The following CNIH3 variants were observed in gnomAD, a reference collection of about 807,000 sequenced individuals.
CNIH3 encodes the protein cornichon family AMPA receptor auxiliary protein 3, also known as protein cornichon homolog 3.
CNIH3 carries 14 observed loss-of-function variants against 24.1 expected under a neutral mutation model. The observed-to-expected ratio is 0.58, with a 90% CI of 0.38 to 0.91. CNIH3 has a LOEUF of 0.91. Among genes scored for constraint, CNIH3 ranks in the 40% least tolerant of loss-of-function variants. The probability of loss-of-function intolerance (pLI) is 0.00; values close to 1 mark genes in which losing one functional copy is unlikely to be tolerated. For synonymous variants in CNIH3, 68 were observed against 73.8 expected, an observed-to-expected ratio of 0.92 and a Z score of 0.40; for missense variants, 178 against 196.8, an observed-to-expected ratio of 0.90 and a Z score of 0.57.
chr1:224,459,082 T>C, intron 1 of CNIH3: 1 of 405,366 alleles, frequency 2.5e-6, no homozygotes, highest in Non-Finnish European at 3.3e-6. Context: ...CTATTATCTG[T>C]TTGACTCCAA....
chr1:224,518,596 CT>C (rs1678493498), intron 1 of CNIH3, among the ~76,000 whole-genome samples: 1 of 152,080 alleles, frequency 6.6e-6, no homozygotes, highest in South Asian at 2.1e-4. Flanking sequence ...TCCCAAAGCA[CT>C]GGGATTACTG....
At chr1:224,730,739 A>T in intron 4 of CNIH3, 165 bp downstream of exon 4, 1 of 555,184 alleles carries the variant, frequency 1.8e-6, no homozygotes. Flanking sequence ...TTAGGCAACA[A>T]GTCCAATAAG....
chr1:224,547,020 T>C, intron 3 of CNIH3: 2 of 444,340 alleles, frequency 4.5e-6, no homozygotes, highest in Non-Finnish European at 5.9e-6. Context: ...GGTGAGTGAG[T>C]ACCTAATGGG....
chr1:224,685,117 C>T, intron 3 of CNIH3, among the ~76,000 whole-genome samples: 1 of 152,206 alleles, frequency 6.6e-6, no homozygotes, highest in East Asian at 1.9e-4. Flanking sequence ...AGCTCTTTAT[C>T]TTTGCATGAT....
chr1:224,487,985 G>A lies in CNIH3; in HGVS notation n.204-27756G>A, dbSNP rs117017128. Reference sequence around the variant, plus strand: ...ACCCTATTCTTTCATTAAGCACAGGGCATGTTTGTGTCTCTACACCATTCC... The same window carrying A: ...ACCCTATTCTTTCATTAAGCACAGGACATGTTTGTGTCTCTACACCATTCC... On this transcript the variant is annotated intron_variant and non_coding_transcript_variant, in intron 1 of 5. Transcript: ENST00000471578. 1.5e-4 allele frequency among the ~76,000 whole-genome samples: 23 copies of A among 151,958 alleles called. No homozygotes were observed. The East Asian group carries it at 4.4e-3, about 29-fold the overall frequency.
intron 2 of CNIH3, among the ~76,000 whole-genome samples, chr1:224,545,150 G>T (rs768062852): frequency 6.6e-6 from 1 of 152,190 alleles, no homozygotes; most frequent in Non-Finnish European, 1.5e-5. Context: ...ATGTACAAAC[G>T]TATGTGTGTA....
At chr1:224,666,974 G>T (rs992900336) in intron 1 of CNIH3, among the ~76,000 whole-genome samples, 1 of 152,138 alleles carries the variant, frequency 6.6e-6, no homozygotes, top group African/African-American at 2.4e-5. Flanking sequence ...TCTACTTGAG[G>T]TTGCCCTTTC....
At chr1:224,450,826 G>A (rs926737894) in intron 1 of CNIH3, among the ~76,000 whole-genome samples, 1 of 152,230 alleles carries the variant, frequency 6.6e-6, no homozygotes, top group African/African-American at 2.4e-5. Flanking sequence ...AAGATGGCCT[G>A]TGTGAAGAGC....
chr1:224,631,797 G>A (rs1393566467), intron 1 of CNIH3, among the ~76,000 whole-genome samples: 1 of 152,164 alleles, frequency 6.6e-6, no homozygotes, highest in East Asian at 1.9e-4. Context: ...ATGCAGGGGA[G>A]GAAAGCAGAG....
chr1:224,448,191 C>T (rs1675242821), intron 1 of CNIH3, among the ~76,000 whole-genome samples: 5 of 152,044 alleles, frequency 3.3e-5, no homozygotes, highest in South Asian at 2.1e-4. Flanking sequence ...GAGCTGTGAT[C>T]GTGCCACTGT....
intron 2 of CNIH3, among the ~76,000 whole-genome samples, chr1:224,530,965 C>T (rs1679044115): frequency 6.6e-6 from 1 of 151,838 alleles, no homozygotes; most frequent in African/African-American, 2.4e-5. Context: ...CTCCTTTTTT[C>T]CCCCCTAGGA....
At chr1:224,452,558 G>C (rs1159613956) in intron 1 of CNIH3, among the ~76,000 whole-genome samples, 4 of 151,522 alleles carry the variant, frequency 2.6e-5, no homozygotes, top group African/African-American at 9.7e-5. Context: ...AAGGTGGGCG[G>C]ATCACAAGGT....
intron 1 of CNIH3, among the ~76,000 whole-genome samples, chr1:224,451,849 G>T (rs78883757): frequency 6.6e-6 from 1 of 152,300 alleles, no homozygotes; most frequent in East Asian, 1.9e-4. Context: ...TAAGCTAATA[G>T]TCCATATTTA....
At chr1:224,490,912 A>C (rs770652793) in intron 1 of CNIH3, among the ~76,000 whole-genome samples, 2 of 152,246 alleles carry the variant, frequency 1.3e-5, no homozygotes, top group African/African-American at 2.4e-5. Flanking sequence ...TTGGCAGTGA[A>C]GTACAGAAAC....
At chr1:224,453,302 C>G (rs1282887908) in intron 1 of CNIH3, among the ~76,000 whole-genome samples, 2 of 152,016 alleles carry the variant, frequency 1.3e-5, no homozygotes, top group Non-Finnish European at 2.9e-5. Context: ...GCTTCGCCCT[C>G]CTGAGTAGCT....
Position 224,458,763 on chromosome 1 carries a change from A to G in CNIH3, n.203+23901A>G, listed in dbSNP as rs931192429. 1.3e-5 allele frequency among the ~76,000 whole-genome samples: 2 copies of G among 152,160 alleles called. No individual in the cohort carries two copies. Among genetic ancestry groups the G allele is most frequent in the Non-Finnish European group, 2.9e-5 (2 of 68,022 alleles). On this transcript the variant is annotated intron_variant and non_coding_transcript_variant, in intron 1 of 5. Transcript: ENST00000471578. This position sits in a 1 kb window ranked among gnomAD's most constrained non-coding sequence, Gnocchi z 4.3. ...CCAAATCACCATGGGTATCAGACAC[A>G]CTGGGTAGCTGAGTGCTCAGAGGAA...
At chr1:224,675,885 T>A (rs958838266) in intron 1 of CNIH3, among the ~76,000 whole-genome samples, 1 of 152,232 alleles carries the variant, frequency 6.6e-6, no homozygotes, top group Non-Finnish European at 1.5e-5. Flanking sequence ...GGAACACTCA[T>A]GTTGCTTGTG....
intron 3 of CNIH3, among the ~76,000 whole-genome samples, chr1:224,685,815 G>C (rs1686627773): frequency 6.6e-6 from 1 of 152,106 alleles, no homozygotes; most frequent in African/African-American, 2.4e-5. Flanking sequence ...TCTTCTAAGA[G>C]AGCCAGTGTG....
At chr1:224,441,378 C>T (rs994145067) in intron 1 of CNIH3, among the ~76,000 whole-genome samples, 10 of 152,158 alleles carry the variant, frequency 6.6e-5, no homozygotes, top group Non-Finnish European at 1.0e-4. Context: ...TCTGCACACA[C>T]CCACCCCATC....
Sources: gnomAD v4.1 joint callset for allele counts (sites outside exome capture counted in the v4.1 genomes callset) on GRCh38, gnomAD v4.1.1 for gene constraint, Gnocchi (gnomAD v3.1) non-coding constraint, MANE v1.5 for transcripts, NCBI Gene and HGNC (gene_info 2026-07-23, HGNC 2026-07-21) for gene names.